The following COL14A1 variants were observed in gnomAD, a reference collection of about 807,000 sequenced individuals.
COL14A1 encodes the protein collagen alpha-1(XIV) chain.
COL14A1 carries 136 observed loss-of-function variants against 230.3 expected under a neutral mutation model. That is an observed-to-expected ratio of 0.59 (90% CI 0.51 to 0.68). The LOEUF is 0.68. Ranked by LOEUF, COL14A1 falls within the 30% of genes least tolerant of loss-of-function variation. The probability of loss-of-function intolerance (pLI) is 0.00; values close to 1 mark genes in which losing one functional copy is unlikely to be tolerated. For missense variants in COL14A1, 1,976 were observed against 2,215.8 expected (o/e 0.89, Z 2.17); for synonymous variants, 792 against 784.1 (o/e 1.01, Z -0.17).
intron 1 of COL14A1, among the ~76,000 whole-genome samples, chr8:120,144,663 C>A (rs571422408): frequency 6.6e-6 from 1 of 152,136 alleles, no homozygotes; most frequent in South Asian, 2.1e-4. Context: ...AGAAAAAACA[C>A]GTCGATTGCA....
chr8:120,247,834 A>G, intron 21 of COL14A1, 99 bp downstream of exon 21: 1 of 1,425,982 alleles, frequency 7.0e-7, no homozygotes, highest in East Asian at 2.3e-5. Flanking sequence ...GTTTGGTTGT[A>G]TTTTTTTAAA....
At chr8:120,187,735 G>C (rs1048065653) in intron 5 of COL14A1, among the ~76,000 whole-genome samples, 2 of 152,166 alleles carry the variant, frequency 1.3e-5, no homozygotes, top group African/African-American at 4.8e-5. Flanking sequence ...CAAATAATTG[G>C]ACATGTTAGC....
intron 5 of COL14A1, among the ~76,000 whole-genome samples, chr8:120,182,513 A>G (rs1816493917): frequency 6.6e-6 from 1 of 152,206 alleles, no homozygotes; most frequent in African/African-American, 2.4e-5. Flanking sequence ...GTAAACATAC[A>G]GCCAGATCAT....
At chr8:120,186,123 G>A (rs1262773136) in intron 5 of COL14A1, among the ~76,000 whole-genome samples, 1 of 152,180 alleles carries the variant, frequency 6.6e-6, no homozygotes, top group East Asian at 1.9e-4. Context: ...TCATGGGAAT[G>A]TTGTAAAAGT....
At chr8:120,365,845 G>A (rs1351477225) in intron 45 of COL14A1, among the ~76,000 whole-genome samples, 5 of 152,180 alleles carry the variant, frequency 3.3e-5, no homozygotes, top group African/African-American at 1.2e-4. Flanking sequence ...AGGATTGGGT[G>A]TTTGGGAATT....
At chr8:120,212,346 G>A (rs919915796) in intron 12 of COL14A1, 102 bp from the exon 13 acceptor site, 20 of 1,189,894 alleles carry the variant, frequency 1.7e-5, no homozygotes, top group African/African-American at 7.6e-5. Context: ...GTAACAGGAC[G>A]TAAAGTCTTA....
At chr8:120,256,625 T>A (rs2129723173) in intron 23 of COL14A1, among the ~76,000 whole-genome samples, 1 of 152,294 alleles carries the variant, frequency 6.6e-6, no homozygotes, top group African/African-American at 2.4e-5. Context: ...TGAGGATAAG[T>A]CACATGGATT....
At chr8:120,180,656 G>T (rs1816431311) in intron 5 of COL14A1, among the ~76,000 whole-genome samples, 1 of 144,060 alleles carries the variant, frequency 6.9e-6, no homozygotes, top group Non-Finnish European at 1.5e-5. Context: ...TCAGGTTCCA[G>T]AATTACATAA....
intron 1 of COL14A1, among the ~76,000 whole-genome samples, chr8:120,141,278 C>T (rs1814898612): frequency 1.3e-5 from 2 of 152,150 alleles, no homozygotes; most frequent in Admixed American, 6.5e-5. Flanking sequence ...CACAGTGGCT[C>T]ATTCCTATAA....
intron 21 of COL14A1, among the ~76,000 whole-genome samples, chr8:120,248,167 A>G (rs1818820390): frequency 6.6e-6 from 1 of 152,094 alleles, no homozygotes; most frequent in Non-Finnish European, 1.5e-5. Flanking sequence ...TTCATTTACC[A>G]ACTTCTTAGT....
At chr8:120,139,242 C>A (rs1437446743) in intron 1 of COL14A1, among the ~76,000 whole-genome samples, 1 of 152,142 alleles carries the variant, frequency 6.6e-6, no homozygotes, top group Non-Finnish European at 1.5e-5. Flanking sequence ...ATTTTTCTTT[C>A]GTATAAAATA....
At chr8:120,169,378 T>C (rs1413745764) in intron 5 of COL14A1, among the ~76,000 whole-genome samples, 1 of 152,202 alleles carries the variant, frequency 6.6e-6, no homozygotes, top group Non-Finnish European at 1.5e-5. Flanking sequence ...CATATGTTCT[T>C]TTCAACATTT....
intron 34 of COL14A1, among the ~76,000 whole-genome samples, chr8:120,295,426 A>T (rs1820495296): frequency 6.6e-6 from 1 of 151,832 alleles, no homozygotes; most frequent in Non-Finnish European, 1.5e-5. Context: ...TGCTATGATC[A>T]TACCCCATAG....
intron 23 of COL14A1, among the ~76,000 whole-genome samples, chr8:120,258,563 G>T (rs895916933): frequency 3.3e-5 from 5 of 151,936 alleles, no homozygotes; most frequent in African/African-American, 1.2e-4. Context: ...CAAAGAAAGA[G>T]ATTTCAGATA....
rs1051424971 is a variant in COL14A1 at position 120,332,060 on chromosome 8, C to T, written c.4660-81C>T. 3.3e-6 allele frequency: 4 copies of T among 1,211,330 alleles called. No homozygotes were observed. In the African/African-American group the frequency reaches 4.5e-5, roughly 14 times the overall value. The allele number at this position is 1,211,330 out of a possible 1,614,324, so 75.0% of individuals were successfully genotyped here. A position where few individuals can be genotyped will look rare whatever the true frequency, so the allele number is the denominator to read the frequency against. On this transcript the variant is annotated intron_variant, in intron 40 of 47. Coordinates refer to ENST00000297848, the MANE Select transcript of COL14A1 (RefSeq NM_021110.4). ...CAAGCAGCAGGACTTGACCCCCAAACATGAAAAGGAACTAAATGAGCCCAT... is the reference window on the plus strand; with the variant it reads ...CAAGCAGCAGGACTTGACCCCCAAATATGAAAAGGAACTAAATGAGCCCAT...
chr8:120,316,653 T>C (rs1359822937), intron 40 of COL14A1, among the ~76,000 whole-genome samples: 2 of 151,968 alleles, frequency 1.3e-5, no homozygotes, highest in African/African-American at 4.8e-5. Context: ...ACACAAAGAA[T>C]GAATAACCAA....
chr8:120,151,419 T>C (rs1815275108), intron 2 of COL14A1, among the ~76,000 whole-genome samples: 1 of 151,758 alleles, frequency 6.6e-6, no homozygotes, highest in African/African-American at 2.4e-5. Context: ...GGCAGGCGGA[T>C]CATGAGGTCA....
intron 39 of COL14A1, 95 bp from the exon 40 acceptor site, chr8:120,315,849 G>T (rs1200026051): frequency 7.1e-6 from 9 of 1,268,234 alleles, no homozygotes; most frequent in Non-Finnish European, 9.1e-6. Flanking sequence ...ATGCTCTTAG[G>T]TTTGTTTGGA....
chr8:120,141,287 A>G (rs950523966), intron 1 of COL14A1, among the ~76,000 whole-genome samples: 7 of 152,164 alleles, frequency 4.6e-5, no homozygotes, highest in Non-Finnish European at 1.0e-4. Context: ...TCATTCCTAT[A>G]ATCCCAGTAT....
Sources: gnomAD v4.1 joint callset for allele counts (sites outside exome capture counted in the v4.1 genomes callset) on GRCh38, gnomAD v4.1.1 for gene constraint, MANE v1.5 for transcripts, NCBI Gene and HGNC (gene_info 2026-07-23, HGNC 2026-07-21) for gene names.